Variants in GPHN observed in about 807,000 individuals in gnomAD.
GPHN encodes gephyrin.
GPHN carries 17 observed loss-of-function variants against 95.5 expected under a neutral mutation model. That is an observed-to-expected ratio of 0.18 (90% CI 0.12 to 0.27). The LOEUF (loss-of-function observed/expected upper bound fraction) is 0.27, where lower values mean the gene tolerates loss of function less well. Among genes scored for constraint, GPHN ranks in the 10% least tolerant of loss-of-function variants. GPHN has a pLI of 1.00. For synonymous variants in GPHN, 320 were observed against 322.5 expected, an observed-to-expected ratio of 0.99 and a Z score of 0.08; for missense variants, 660 against 978.1, an observed-to-expected ratio of 0.67 and a Z score of 4.34.
At chr14:67,585,973 A>G in the GPHN span, 1 of 1,613,516 alleles carries the variant, frequency 6.2e-7, no homozygotes, top group Non-Finnish European at 8.5e-7. Context: ...ACTTACCCCT[A>G]CTCTTCAGTG....
At chr14:66,515,040 GAACT>G (rs2058185662) in intron 1 of GPHN, among the ~76,000 whole-genome samples, 1 of 152,028 alleles carries the variant, frequency 6.6e-6, no homozygotes, top group African/African-American at 2.4e-5. Flanking sequence ...AAAGTTTTCA[GAACT>G]AATAGAGGTA....
the GPHN span, among the ~76,000 whole-genome samples, chr14:67,722,104 C>T: frequency 4.7e-3 from 716 of 152,264 alleles, 8 homozygotes; most frequent in African/African-American, 0.016. Flanking sequence ...CCAGTCATCT[C>T]CCTCCCCAGT....
chr14:66,524,690 C>T (rs2058617088), intron 1 of GPHN, among the ~76,000 whole-genome samples: 1 of 152,054 alleles, frequency 6.6e-6, no homozygotes. Context: ...ATGTTCCCCT[C>T]CTTGTGTCCA....
intron 1 of GPHN, among the ~76,000 whole-genome samples, chr14:66,546,935 C>G (rs1209256461): frequency 1.3e-5 from 2 of 152,154 alleles, no homozygotes; most frequent in Non-Finnish European, 2.9e-5. Context: ...CAATGACTGA[C>G]ATTTTGTACA....
At chr14:67,547,332 A>G in the GPHN span, among the ~76,000 whole-genome samples, 1 of 152,226 alleles carries the variant, frequency 6.6e-6, no homozygotes, top group Admixed American at 6.5e-5. Flanking sequence ...ATGTTGGTCA[A>G]TGTCAGGATT....
At chr14:67,116,703 A>G (rs2078715589) in intron 16 of GPHN, among the ~76,000 whole-genome samples, 1 of 152,190 alleles carries the variant, frequency 6.6e-6, no homozygotes, top group Non-Finnish European at 1.5e-5. Flanking sequence ...GTTTTAAGCC[A>G]ATCAAATCTG....
the GPHN span, among the ~76,000 whole-genome samples, chr14:67,410,931 A>C: frequency 6.6e-6 from 1 of 152,108 alleles, no homozygotes; most frequent in Non-Finnish European, 1.5e-5. Context: ...AGATGACTTA[A>C]ACCCGGGAGT....
intron 4 of GPHN, among the ~76,000 whole-genome samples, chr14:66,843,604 G>A (rs2062186781): frequency 6.6e-6 from 1 of 152,122 alleles, no homozygotes; most frequent in South Asian, 2.1e-4. Flanking sequence ...ACAGTTTGCT[G>A]CATTTAAAAA....
chr14:67,470,548 T>C, the GPHN span: 2 of 152,554 alleles, frequency 1.3e-5, no homozygotes, highest in Admixed American at 6.6e-5. Context: ...CCCAGGGTGA[T>C]GCCTACACAG....
At chr14:67,619,203 A>T in the GPHN span, among the ~76,000 whole-genome samples, 1 of 152,232 alleles carries the variant, frequency 6.6e-6, no homozygotes, top group African/African-American at 2.4e-5. Context: ...GTTACTTAGC[A>T]CTTACAGCTC....
the GPHN span, among the ~76,000 whole-genome samples, chr14:67,427,428 C>T: frequency 5.9e-5 from 9 of 152,160 alleles, no homozygotes; most frequent in Admixed American, 5.9e-4. Context: ...CGGCCTTCGG[C>T]GGGCCCTGGG....
chr14:67,544,313 TA>T, the GPHN span, among the ~76,000 whole-genome samples: 1 of 152,166 alleles, frequency 6.6e-6, no homozygotes, highest in Admixed American at 6.5e-5. Flanking sequence ...GGATTTATAC[TA>T]CCTGTGTGGT....
intron 4 of GPHN, among the ~76,000 whole-genome samples, chr14:66,837,246 A>C (rs891023189): frequency 4.0e-5 from 6 of 151,786 alleles, no homozygotes; most frequent in Non-Finnish European, 8.8e-5. Context: ...TATGTACACC[A>C]TGGAATACTA....
intron 8 of GPHN, among the ~76,000 whole-genome samples, 167 bp from the exon 9 acceptor site, chr14:66,965,024 A>G (rs930719753): frequency 6.6e-6 from 1 of 152,160 alleles, no homozygotes; most frequent in African/African-American, 2.4e-5. Context: ...TTTAAATCTG[A>G]AAGTTTCTAT....
At chr14:67,146,245 A>G (rs2080891423) in intron 18 of GPHN, among the ~76,000 whole-genome samples, 1 of 152,134 alleles carries the variant, frequency 6.6e-6, no homozygotes, top group African/African-American at 2.4e-5. Context: ...ATAGACCAGT[A>G]CCTTCTTCCC....
chr14:67,589,946 C>G, the GPHN span: 12 of 1,346,156 alleles, frequency 8.9e-6, no homozygotes, highest in Admixed American at 3.4e-5. Flanking sequence ...TGCTCTATGG[C>G]TCTAAGATGC....
chr14:66,740,639 T>C (rs1005615644), intron 2 of GPHN, among the ~76,000 whole-genome samples: 7 of 152,146 alleles, frequency 4.6e-5, no homozygotes, highest in Non-Finnish European at 1.0e-4. Context: ...TCTGTGCTTT[T>C]CCTGTGGTAA....
At chr14:67,641,506 C>T in the GPHN span, among the ~76,000 whole-genome samples, 1 of 152,170 alleles carries the variant, frequency 6.6e-6, no homozygotes, top group Non-Finnish European at 1.5e-5. Flanking sequence ...ATTTTAGTTG[C>T]CTCACACAAC....
At chr14:67,515,396 GA>G in the GPHN span, 2 of 178,272 alleles carry the variant, frequency 1.1e-5, no homozygotes, top group Non-Finnish European at 2.2e-5. Context: ...TGCCCGGGAG[GA>G]AAGGAGCCCC....
Sources: allele counts gnomAD v4.1 joint callset (sites outside exome capture counted in the v4.1 genomes callset), GRCh38; gene constraint gnomAD v4.1.1; transcripts MANE v1.5; gene names NCBI Gene and HGNC (gene_info 2026-07-23, HGNC 2026-07-21).